Variants in MGA observed in about 807,000 individuals in gnomAD.
The protein encoded by MGA is MAX gene-associated protein.
Under a neutral mutation model 261.1 loss-of-function variants are expected in MGA, and 40 were observed. That is an observed-to-expected ratio of 0.15 (90% CI 0.12 to 0.20). The LOEUF is 0.20. Ranked by LOEUF, MGA falls within the 10% of genes least tolerant of loss-of-function variation. MGA has a pLI of 1.00. For missense variants in MGA, 3,397 were observed against 3,630.5 expected (o/e 0.94, Z 1.65); for synonymous variants, 1,302 against 1,290.6 (o/e 1.01, Z -0.19).
chr15:41,720,576 A>G (rs907647975), intron 9 of MGA, among the ~76,000 whole-genome samples: 6 of 152,094 alleles, frequency 3.9e-5, no homozygotes, highest in African/African-American at 1.4e-4. Flanking sequence ...TTACACCTGT[A>G]ATCCTAGCAC....
At chr15:41,698,279 C>G (rs1022383492) in intron 3 of MGA, among the ~76,000 whole-genome samples, 4 of 151,624 alleles carry the variant, frequency 2.6e-5, no homozygotes, top group Non-Finnish European at 5.9e-5. Flanking sequence ...AGCAGTTCCC[C>G]TGCCTCAGCC....
At position 41,718,286 on chromosome 15, in the gene MGA, A is replaced by AT. The variant is rs1555424370; in HGVS notation, c.3430+4790_3430+4791insT. ...ATCTTGATATATGTAGTGTATATGTAGTGTGTGTGTGTGTGTATATATATA... is the reference window on the plus strand; with the variant it reads ...ATCTTGATATATGTAGTGTATATGTATGTGTGTGTGTGTGTGTATATATATA... On this transcript the variant is annotated intron_variant, in intron 9 of 23. Transcript: ENST00000219905. 2.0e-4 allele frequency: 42 copies of AT among 209,538 alleles called. No homozygotes were observed. The East Asian group carries it at 3.1e-3, about 15-fold the overall frequency. 13.0% of individuals were successfully genotyped at this position (209,538 alleles called of 1,614,324 possible).
At chr15:41,753,602 C>T (rs957047062) in intron 17 of MGA, among the ~76,000 whole-genome samples, 1 of 152,052 alleles carries the variant, frequency 6.6e-6, no homozygotes, top group Non-Finnish European at 1.5e-5. Flanking sequence ...AAATTCCTTA[C>T]AAGCTCTCAT....
intron 19 of MGA, among the ~76,000 whole-genome samples, chr15:41,758,844 A>G (rs936736916): frequency 6.6e-6 from 1 of 152,230 alleles, no homozygotes; most frequent in Admixed American, 6.5e-5. Flanking sequence ...AATTAGAAAC[A>G]TCAGAGGGAA....
intron 9 of MGA, among the ~76,000 whole-genome samples, chr15:41,716,457 A>G (rs1010191975): frequency 1.4e-4 from 21 of 152,208 alleles, no homozygotes; most frequent in South Asian, 2.1e-4. Flanking sequence ...CCGTATCAAA[A>G]AAAAGAAAAA....
In MGA at chr15:41,765,009, T is replaced by G; in HGVS notation, c.7868T>G (p.Leu2623Arg). Residue 2623 changes from leucine to arginine, a missense_variant, in exon 23 of 24, where the codon CTC becomes CGC. Transcript: ENST00000219905. ...CCAGTGGTAGCTGTTTCTCCTGATC[T>G]CTTAGAATCTGATCTTAAGCCTCAA... 1 of 1,614,072 alleles carries G rather than the reference T, an allele frequency of 6.2e-7. No individual in the cohort carries two copies. Among genetic ancestry groups the G allele is most frequent in the Non-Finnish European group, 8.5e-7 (1 of 1,179,904 alleles).
At chr15:41,650,843 G>T (rs979233081) in intron 1 of MGA, among the ~76,000 whole-genome samples, 3 of 152,196 alleles carry the variant, frequency 2.0e-5, no homozygotes, top group Non-Finnish European at 2.9e-5. Context: ...TGGACTTGTA[G>T]ATTGGATAAA....
intron 1 of MGA, among the ~76,000 whole-genome samples, chr15:41,643,460 T>G (rs2056868201): frequency 6.7e-6 from 1 of 150,362 alleles, no homozygotes; most frequent in Admixed American, 6.6e-5. Flanking sequence ...CAGGATGGTC[T>G]CGATTTCCTG....
chr15:41,670,536 C>T (rs1311529636), intron 2 of MGA, among the ~76,000 whole-genome samples: 11 of 152,124 alleles, frequency 7.2e-5, no homozygotes, highest in South Asian at 4.1e-4. Flanking sequence ...GATGGAGTCT[C>T]GCTCTGTCGC....
At chr15:41,663,481 A>ATTG (rs760537752) in intron 1 of MGA, among the ~76,000 whole-genome samples, 81 of 137,012 alleles carry the variant, frequency 5.9e-4, no homozygotes, top group East Asian at 2.7e-3. Flanking sequence ...CTTTATTATT[A>ATTG]TTATTGTTGT....
intron 16 of MGA, 49 bp from the exon 17 acceptor site, chr15:41,749,062 G>A: frequency 1.2e-5 from 18 of 1,564,576 alleles, no homozygotes; most frequent in Non-Finnish European, 1.6e-5. Context: ...TGGAAGTCTT[G>A]ATATGGGCAG....
At chr15:41,652,803 GT>G (rs1203740010) in intron 1 of MGA, among the ~76,000 whole-genome samples, 1 of 151,974 alleles carries the variant, frequency 6.6e-6, no homozygotes, top group African/African-American at 2.4e-5. Context: ...CAGGGGACTT[GT>G]TTTTATTTAT....
intron 1 of MGA, among the ~76,000 whole-genome samples, chr15:41,651,797 TC>T (rs1358573963): frequency 8.6e-4 from 5 of 5,818 alleles, no homozygotes; most frequent in Admixed American, 2.1e-3. Context: ...TTCTCTCCTC[TC>T]CCCCCCCTCT....
chr15:41,757,302 T>C (rs1351521506), intron 18 of MGA, among the ~76,000 whole-genome samples: 1 of 152,208 alleles, frequency 6.6e-6, no homozygotes, highest in Non-Finnish European at 1.5e-5. Context: ...TGCATCTGTA[T>C]TGAACATGTA....
intron 1 of MGA, among the ~76,000 whole-genome samples, chr15:41,625,587 G>T (rs2056430390): frequency 6.6e-6 from 1 of 152,054 alleles, no homozygotes; most frequent in African/African-American, 2.4e-5. Context: ...GGTGGCACAT[G>T]CCTATAGTCC....
intron 1 of MGA, among the ~76,000 whole-genome samples, chr15:41,632,139 G>A (rs2056602188): frequency 6.6e-6 from 1 of 152,146 alleles, no homozygotes; most frequent in Non-Finnish European, 1.5e-5. Context: ...CATGATACAT[G>A]TGTGTACTAC....
At chr15:41,748,953 T>C in intron 16 of MGA, 26 bp downstream of exon 16, 1 of 1,605,302 alleles carries the variant, frequency 6.2e-7, no homozygotes, top group South Asian at 1.1e-5. Flanking sequence ...TTATGAACTT[T>C]TCTTTTGTTG....
intron 17 of MGA, among the ~76,000 whole-genome samples, chr15:41,753,889 T>A (rs1376896830): frequency 1.3e-5 from 2 of 152,194 alleles, no homozygotes; most frequent in Non-Finnish European, 2.9e-5. Context: ...TTGAGGATGC[T>A]GTTAAGTTTA....
chr15:41,767,371 A>T lies in MGA; in HGVS notation c.*91A>T, dbSNP rs2063853228. On this transcript the variant is annotated 3_prime_UTR_variant, in exon 24 of 24. Transcript: ENST00000219905. ...GGCATCTGTTTGTTTGTGTCTTAGA[A>T]CTTGGATCCTTGACTTCAATGATGC... 7.2e-7 allele frequency: 1 copy of T among 1,380,228 alleles called. No homozygotes were observed. The highest frequency in any genetic ancestry group is 9.8e-7 in the Non-Finnish European group (1 of 1,016,358). The allele number at this position is 1,380,228 out of a possible 1,614,324, so 85.5% of individuals were successfully genotyped here.
Sources: allele counts gnomAD v4.1 joint callset (sites outside exome capture counted in the v4.1 genomes callset), GRCh38; gene constraint gnomAD v4.1.1; transcripts MANE v1.5; gene names NCBI Gene and HGNC (gene_info 2026-07-23, HGNC 2026-07-21).